Variants in ANKRD54 observed in about 807,000 individuals in gnomAD.
The protein encoded by ANKRD54 is ankyrin repeat domain 54.
A neutral mutation model predicts 36.2 loss-of-function variants in ANKRD54; 26 were observed. That is an observed-to-expected ratio of 0.72 (90% CI 0.53 to 1.00). The LOEUF (loss-of-function observed/expected upper bound fraction) is 1.00, where lower values mean the gene tolerates loss of function less well. ANKRD54 is among the 50% of genes least tolerant of loss of function. The pLI, the probability that ANKRD54 is intolerant of heterozygous loss-of-function variation, is 0.00. For synonymous variants in ANKRD54, 209 were observed against 188.4 expected (o/e 1.11, Z -0.89); for missense variants, 384 against 424.3 (o/e 0.91, Z 0.83).
chr22:37,832,236 G>A (rs1175812711), intron 7 of ANKRD54, among the ~76,000 whole-genome samples: 1 of 152,184 alleles, frequency 6.6e-6, no homozygotes, highest in Non-Finnish European at 1.5e-5. Flanking sequence ...ACTAGCCACT[G>A]GCAACTTCAA....
At chr22:37,840,717 C>T (rs1012659679) in intron 1 of ANKRD54, among the ~76,000 whole-genome samples, 1 of 151,594 alleles carries the variant, frequency 6.6e-6, no homozygotes, top group African/African-American at 2.4e-5. Flanking sequence ...GAAACCCCAT[C>T]TCTACTAAAA....
rs1363351726 is a variant in ANKRD54, at chr22:37,838,655, T to C, written c.377-57A>G. ...GAGAAAGCGGCGATGTTAGCTAAGC[T>C]GCAGACCCGAGCGATGGAGAGGGAG... On this transcript the variant is annotated intron_variant, in intron 2 of 7. Coordinates refer to ENST00000215941, the MANE Select transcript of ANKRD54 (RefSeq NM_138797.4). The C allele has an allele frequency of 1.4e-5, 21 of 1,543,638 alleles. No homozygotes were observed. The East Asian group carries it at 5.0e-4, about 37-fold the overall frequency.
At chr22:37,832,604 G>A in intron 7 of ANKRD54, 33 bp downstream of exon 7, 1 of 1,604,102 alleles carries the variant, frequency 6.2e-7, no homozygotes, top group Non-Finnish European at 8.5e-7. Context: ...GCTCCTGCCA[G>A]GCCCTGGGTC....
At chr22:37,845,702 C>G (rs898758096), upstream of ANKRD54, among the ~76,000 whole-genome samples, 19 of 152,088 alleles carry the variant, frequency 1.2e-4, no homozygotes, top group African/African-American at 4.3e-4. Flanking sequence ...AACCTCGTTT[C>G]TACTAAAAAT....
At chr22:37,832,849 T>A in intron 6 of ANKRD54, 105 bp from the exon 7 acceptor site, 1 of 1,605,388 alleles carries the variant, frequency 6.2e-7, no homozygotes, top group South Asian at 1.1e-5. Flanking sequence ...GGGGTCAGTG[T>A]GAAACAACCC....
chr22:37,841,892 T>TTAATAAATA (rs1924318750), intron 1 of ANKRD54, among the ~76,000 whole-genome samples: 1 of 30,518 alleles, frequency 3.3e-5, no homozygotes. Flanking sequence ...AATAAATAAA[T>TTAATAAATA]AAATAAAATA....
chr22:37,847,387 C>G (rs1414802186), upstream of ANKRD54, among the ~76,000 whole-genome samples: 1 of 152,018 alleles, frequency 6.6e-6, no homozygotes, highest in Non-Finnish European at 1.5e-5. Flanking sequence ...GTCTCGAACT[C>G]CTGACCTCAG....
upstream of ANKRD54, among the ~76,000 whole-genome samples, chr22:37,845,785 C>T (rs1226621513): frequency 6.6e-6 from 1 of 152,174 alleles, no homozygotes; most frequent in Non-Finnish European, 1.5e-5. Context: ...AGGAGAGTAG[C>T]TTGAACCTGG....
At chr22:37,838,358 C>G in intron 3 of ANKRD54, 142 bp downstream of exon 3, 1 of 756,164 alleles carries the variant, frequency 1.3e-6, no homozygotes, top group Admixed American at 2.8e-5. Context: ...GGGAGAAGGG[C>G]AGGGCACTGC....
intron 5 of ANKRD54, 27 bp from the exon 6 acceptor site, chr22:37,833,109 T>C (rs1405468126): frequency 6.2e-7 from 1 of 1,613,864 alleles, no homozygotes; most frequent in East Asian, 2.2e-5. Flanking sequence ...AGGTGAGCAT[T>C]CTGGGGGTGA....
At chr22:37,832,825 A>C in intron 6 of ANKRD54, 81 bp from the exon 7 acceptor site, 1 of 1,602,028 alleles carries the variant, frequency 6.2e-7, no homozygotes, top group Non-Finnish European at 8.5e-7. Flanking sequence ...AGCACAGTGG[A>C]GCAGGTGCCA....
chr22:37,834,166 C>T lies in ANKRD54; in HGVS notation c.476-411G>A, dbSNP rs149324255. The T allele has an allele frequency of 5.7e-4, 108 of 188,220 alleles. 1 individual carries two copies. The Middle Eastern group carries it at 0.01, about 18-fold the overall frequency. The allele number at this position is 188,220 out of a possible 1,614,324, so 11.7% of individuals were successfully genotyped here. A position where few individuals can be genotyped will look rare whatever the true frequency, so the allele number is the denominator to read the frequency against. On this transcript the variant is annotated intron_variant, in intron 3 of 7. Coordinates refer to ENST00000215941, the MANE Select transcript of ANKRD54 (RefSeq NM_138797.4). ...CCTCCTGGCAGTCTTGGGATCACCT[C>T]AGGGGTGTGCTGTATTATCACCAGG...
upstream of ANKRD54, among the ~76,000 whole-genome samples, chr22:37,847,339 T>A (rs1924895220): frequency 1.3e-5 from 2 of 152,010 alleles, no homozygotes; most frequent in South Asian, 4.1e-4. Flanking sequence ...ATTTTATATT[T>A]TTAGTAGAGA....
chr22:37,833,817 C>A, intron 3 of ANKRD54, 62 bp from the exon 4 acceptor site: 1 of 1,505,502 alleles, frequency 6.6e-7, no homozygotes, highest in Non-Finnish European at 9.2e-7. Context: ...CCCTGAACCC[C>A]TAACCTAGCT....
chr22:37,832,978 C>T lies in ANKRD54; in HGVS notation c.700G>A (p.Val234Met). 2 of 1,613,972 alleles carry T rather than the reference C, an allele frequency of 1.2e-6. No individual in the cohort carries two copies. Among genetic ancestry groups the T allele is most frequent in the Non-Finnish European group, 1.7e-6 (2 of 1,180,032 alleles). Residue 234 changes from valine (V) to methionine (M), a missense_variant, in exon 6 of 8, where the codon GTG (valine) becomes ATG (methionine). Physicochemically the swap from Val to Met is conservative, Grantham distance 21. Coordinates refer to ENST00000215941, the MANE Select transcript of ANKRD54 (RefSeq NM_138797.4). ...CTCACCTGCTTCACCTCCAGACGCA[C>T]AGCCTCTAGGCACTGGGCATGGCCC... ...QEGHAQCLEA[V>M]RLEVKQIIHM...
rs772812047 is a variant in ANKRD54, at chr22:37,833,154, C to T, written c.595+5G>A. ...AGAGGACAGAGAGGGGAAGAAACCA[C>T]ATACCTCCTCGTAGCAGTGTGGTGA... On this transcript the variant is annotated splice_donor_5th_base_variant and intron_variant, in intron 5 of 7. Transcript: ENST00000215941. The T allele has an allele frequency of 3.7e-6, 6 of 1,613,762 alleles. No homozygotes were observed. The highest frequency in any genetic ancestry group is 1.3e-5 in the African/African-American group (1 of 74,914).
At chr22:37,833,919 G>C in intron 3 of ANKRD54, 164 bp from the exon 4 acceptor site, 1 of 650,142 alleles carries the variant, frequency 1.5e-6, no homozygotes, top group Non-Finnish European at 2.7e-6. Flanking sequence ...TTACTTACCA[G>C]AGTTCATGGG....
At chr22:37,844,843 C>G (rs528569548), upstream of ANKRD54, among the ~76,000 whole-genome samples, 1 of 152,084 alleles carries the variant, frequency 6.6e-6, no homozygotes, top group Non-Finnish European at 1.5e-5. Context: ...GCTGGGATTA[C>G]AGGCGTGAGC....
rs1403058849 is a variant in ANKRD54, at chr22:37,830,977, G to A, written c.*966C>T. 1 of 152,256 alleles carries A rather than the reference G, an allele frequency of 6.6e-6. No homozygotes were observed. Among genetic ancestry groups the A allele is most frequent in the Non-Finnish European group, 1.5e-5 (1 of 68,102 alleles). 9.4% of individuals were successfully genotyped at this position (152,256 alleles called of 1,614,324 possible). A position where few individuals can be genotyped will look rare whatever the true frequency, so the allele number is the denominator to read the frequency against. On this transcript the variant is annotated 3_prime_UTR_variant, in exon 8 of 8. Transcript: ENST00000215941. ...GGGGCCTTCCAGGGCTCTGTGGGAG[G>A]ATGCATTTCCTGGCTCTGAGGTGGC... is the stretch of plus-strand genomic sequence containing the variant.
Sources: allele counts gnomAD v4.1 joint callset (sites outside exome capture counted in the v4.1 genomes callset), GRCh38; gene constraint gnomAD v4.1.1; transcripts MANE v1.5; gene names NCBI Gene and HGNC (gene_info 2026-07-23, HGNC 2026-07-21).